RABGEF1: variants seen among roughly 807,000 people sequenced by gnomAD.
RABGEF1 encodes rab5 GDP/GTP exchange factor.
Under a neutral mutation model 57.3 loss-of-function variants are expected in RABGEF1, and 26 were observed. That is an observed-to-expected ratio of 0.45 (90% CI 0.33 to 0.63). The LOEUF (loss-of-function observed/expected upper bound fraction) is 0.63. Ranked by LOEUF, RABGEF1 falls within the 20% of genes least tolerant of loss-of-function variation. The pLI is 0.02. For synonymous variants in RABGEF1, 185 were observed against 210.7 expected, an observed-to-expected ratio of 0.88 and a Z score of 1.06; for missense variants, 464 against 607.6, an observed-to-expected ratio of 0.76 and a Z score of 2.48.
intron 2 of RABGEF1, among the ~76,000 whole-genome samples, chr7:66,734,597 A>ATTTTT (rs550927387): frequency 1.7e-5 from 2 of 119,748 alleles, no homozygotes; most frequent in Non-Finnish European, 3.5e-5. Context: ...TGCCTGGCTA[A>ATTTTT]TTTTTTTTTT....
chr7:66,773,342 A>G (rs866563036), intron 2 of RABGEF1, among the ~76,000 whole-genome samples: 1 of 152,214 alleles, frequency 6.6e-6, no homozygotes, highest in Non-Finnish European at 1.5e-5. Flanking sequence ...CCCTCACCAC[A>G]TAAAAATGTC....
chr7:66,714,857 C>T (rs1795186600), intron 2 of RABGEF1, among the ~76,000 whole-genome samples: 1 of 152,158 alleles, frequency 6.6e-6, no homozygotes, highest in South Asian at 2.1e-4. Flanking sequence ...ATGGTGTGAA[C>T]CCGGGAGGCG....
intron 3 of RABGEF1, among the ~76,000 whole-genome samples, chr7:66,781,070 A>T (rs1196419176): frequency 6.6e-6 from 1 of 152,072 alleles, no homozygotes; most frequent in Admixed American, 6.6e-5. Flanking sequence ...TACCCCTGCC[A>T]TCTTGCTGTT....
intron 2 of RABGEF1, chr7:66,773,776 C>G (rs1193519712): frequency 2.2e-6 from 1 of 452,580 alleles, no homozygotes; most frequent in Non-Finnish European, 4.4e-6. Context: ...AGTGATCCTC[C>G]TGCTTCAGCC....
chr7:66,668,599 C>T, the RABGEF1 span, among the ~76,000 whole-genome samples: 1 of 152,090 alleles, frequency 6.6e-6, no homozygotes, highest in South Asian at 2.1e-4. Context: ...GGGTGAAAGC[C>T]CAGCAGGGCC....
chr7:66,745,864 G>A (rs1363218176), intron 1 of RABGEF1, among the ~76,000 whole-genome samples: 1 of 152,062 alleles, frequency 6.6e-6, no homozygotes, highest in Non-Finnish European at 1.5e-5. Context: ...GGAGGCCAAA[G>A]TGGGAGAATC....
chr7:66,775,458 C>T lies in RABGEF1; in HGVS notation c.346+65C>T, dbSNP rs760046791. The stretch of plus-strand genomic sequence containing the variant: ...TGAGACACAGAGGAGATCCCCAATG[C>T]TCATAAGCTCAGCTTTGTAATTTCT... On this transcript the variant is annotated intron_variant, in intron 3 of 8. Transcript: ENST00000284957. 420 of 1,545,536 alleles carry T rather than the reference C, an allele frequency of 2.7e-4. 1 individual carries two copies. The highest frequency in any genetic ancestry group is 3.5e-4 in the Non-Finnish European group (402 of 1,139,344).
At chr7:66,771,431 A>T (rs1299368413) in intron 1 of RABGEF1, among the ~76,000 whole-genome samples, 1 of 152,028 alleles carries the variant, frequency 6.6e-6, no homozygotes, top group Non-Finnish European at 1.5e-5. Flanking sequence ...GAGCCACCAC[A>T]CCGGCCTGTG....
chr7:66,740,962 C>T (rs577265611), intron 1 of RABGEF1, among the ~76,000 whole-genome samples, 170 bp downstream of exon 1: 1 of 152,176 alleles, frequency 6.6e-6, no homozygotes, highest in Non-Finnish European at 1.5e-5. Context: ...CATTCCGTCT[C>T]CGTCAGCGCC....
chr7:66,691,448 T>C (rs1320311741), intron 1 of RABGEF1, among the ~76,000 whole-genome samples: 1 of 152,160 alleles, frequency 6.6e-6, no homozygotes, highest in Admixed American at 6.5e-5. Flanking sequence ...GAACAAAATA[T>C]ATGTAGAATC....
the RABGEF1 span, among the ~76,000 whole-genome samples, chr7:66,662,594 C>G: frequency 2.6e-5 from 4 of 152,186 alleles, no homozygotes; most frequent in African/African-American, 9.6e-5. Flanking sequence ...GTCAGGAGAA[C>G]CTGACCCCAC....
intron 4 of RABGEF1, among the ~76,000 whole-genome samples, chr7:66,795,203 T>C (rs1305189894): frequency 1.3e-5 from 2 of 152,176 alleles, no homozygotes; most frequent in African/African-American, 4.8e-5. Flanking sequence ...TTCCCCCTTT[T>C]CTTCCTTTTC....
At chr7:66,705,942 C>T (rs1264137028) in intron 1 of RABGEF1, among the ~76,000 whole-genome samples, 1 of 136,544 alleles carries the variant, frequency 7.3e-6, no homozygotes, top group Non-Finnish European at 1.5e-5. Context: ...GTCGCCCAGG[C>T]CGGACTGCGG....
the RABGEF1 span, among the ~76,000 whole-genome samples, chr7:66,659,910 A>G: frequency 6.6e-6 from 1 of 152,040 alleles, no homozygotes; most frequent in East Asian, 1.9e-4. Flanking sequence ...CAAAGATTAG[A>G]GTGGAAATAA....
At chr7:66,665,929 C>T in the RABGEF1 span, among the ~76,000 whole-genome samples, 101 of 152,248 alleles carry the variant, frequency 6.6e-4, 1 homozygote, top group African/African-American at 2.1e-3. Flanking sequence ...AGGGACTGCA[C>T]GGACCAGGTG....
rs536223756 is a variant in RABGEF1, at chr7:66,758,663, G to C, written c.-17-13220G>C. Among the ~76,000 whole-genome samples the C allele has an allele frequency of 2.4e-4, 37 of 152,308 alleles. 1 individual carries two copies. In the South Asian group the frequency reaches 6.2e-3, roughly 26 times the overall value. On this transcript the variant is annotated intron_variant, in intron 1 of 8. Coordinates refer to ENST00000284957, the MANE Select transcript of RABGEF1 (RefSeq NM_014504.3). ...TTTACAGGATATGCTGTCTGTAGCT[G>C]TGATGTCCAATCTGGGTGTGCCGAC...
chr7:66,656,588 G>C, the RABGEF1 span, among the ~76,000 whole-genome samples: 83 of 152,188 alleles, frequency 5.5e-4, no homozygotes, highest in African/African-American at 1.9e-3. Flanking sequence ...TTGGGAGGCC[G>C]AGGCGGTCGG....
chr7:66,700,583 G>A (rs1793105607), intron 1 of RABGEF1, among the ~76,000 whole-genome samples: 1 of 152,008 alleles, frequency 6.6e-6, no homozygotes, highest in East Asian at 1.9e-4. Context: ...AGGAGTAAAG[G>A]GGCTTAGGGG....
intron 1 of RABGEF1, among the ~76,000 whole-genome samples, chr7:66,754,934 G>T (rs916672809): frequency 6.6e-6 from 1 of 152,134 alleles, no homozygotes; most frequent in Non-Finnish European, 1.5e-5. Flanking sequence ...AGCACTTTGG[G>T]TGGCAAACCA....
Sources: allele counts gnomAD v4.1 joint callset (sites outside exome capture counted in the v4.1 genomes callset), GRCh38; gene constraint gnomAD v4.1.1; transcripts MANE v1.5; gene names NCBI Gene and HGNC (gene_info 2026-07-23, HGNC 2026-07-21).